Variants in UBR3 observed in about 807,000 individuals in gnomAD.
UBR3 encodes E3 ubiquitin-protein ligase UBR3.
In UBR3, 85 loss-of-function variants were observed where a neutral mutation model predicts 243.2. That is an observed-to-expected ratio of 0.35 (90% CI 0.29 to 0.42). The LOEUF is 0.42. Ranked by LOEUF, UBR3 falls within the 10% of genes least tolerant of loss-of-function variation. UBR3 has a pLI of 1.00. For missense variants in UBR3, 1,686 were observed against 2,300.8 expected (o/e 0.73, Z 5.47); for synonymous variants, 748 against 799.8 (o/e 0.94, Z 1.09).
chr2:169,942,738 G>GT, intron 20 of UBR3, 104 bp downstream of exon 20: 1 of 1,140,414 alleles, frequency 8.8e-7, no homozygotes, highest in Non-Finnish European at 1.2e-6. Flanking sequence ...AAAGCAAAGT[G>GT]TATTTATGCA....
chr2:170,044,280 G>GACTT (rs2091033143), intron 32 of UBR3, among the ~76,000 whole-genome samples: 1 of 152,132 alleles, frequency 6.6e-6, no homozygotes, highest in African/African-American at 2.4e-5. Context: ...TTACTGTTTA[G>GACTT]ACTTACTAGA....
intron 20 of UBR3, among the ~76,000 whole-genome samples, chr2:169,943,939 A>C (rs927548883): frequency 2.0e-5 from 3 of 152,010 alleles, no homozygotes; most frequent in Admixed American, 1.3e-4. Context: ...CCCGTGACCA[A>C]TTTTTCAGTG....
intron 13 of UBR3, among the ~76,000 whole-genome samples, chr2:169,924,995 C>T (rs2085855281): frequency 6.6e-6 from 1 of 152,100 alleles, no homozygotes; most frequent in Admixed American, 6.5e-5. Context: ...GATCGCGCCA[C>T]TGCACTCCAG....
At chr2:169,963,908 C>G (rs1356773468) in intron 24 of UBR3, among the ~76,000 whole-genome samples, 1 of 152,098 alleles carries the variant, frequency 6.6e-6, no homozygotes, top group Non-Finnish European at 1.5e-5. Flanking sequence ...TATTTGTTCT[C>G]TTGCTTTCTC....
At chr2:170,014,083 C>T (rs533295135) in intron 29 of UBR3, 15 of 331,462 alleles carry the variant, frequency 4.5e-5, no homozygotes, top group South Asian at 1.1e-4. Flanking sequence ...TGAGCTGGAA[C>T]GTTATCGGTG....
intron 30 of UBR3, among the ~76,000 whole-genome samples, chr2:170,020,025 C>T (rs963120108): frequency 1.7e-4 from 26 of 152,134 alleles, no homozygotes; most frequent in Admixed American, 7.9e-4. Context: ...AAGCAATCCT[C>T]CCACCTTGGC....
chr2:170,026,251 T>C (rs1259454438), intron 30 of UBR3, among the ~76,000 whole-genome samples: 1 of 152,034 alleles, frequency 6.6e-6, no homozygotes. Context: ...AATATGTGTT[T>C]GTAGAGTGAT....
chr2:169,928,340 C>T (rs954400543), intron 17 of UBR3, among the ~76,000 whole-genome samples: 1 of 152,000 alleles, frequency 6.6e-6, no homozygotes. Context: ...AATCTTTGCT[C>T]ATAAAAATCT....
chr2:169,855,402 G>A (rs1454504246), intron 1 of UBR3, among the ~76,000 whole-genome samples: 2 of 151,646 alleles, frequency 1.3e-5, no homozygotes, highest in Admixed American at 1.3e-4. Flanking sequence ...TCGGAGAGGG[G>A]GATTTGGCAG....
chr2:170,018,582 C>T (rs532660152), intron 30 of UBR3, among the ~76,000 whole-genome samples: 1 of 152,120 alleles, frequency 6.6e-6, no homozygotes, highest in Non-Finnish European at 1.5e-5. Flanking sequence ...CCAAAAACTT[C>T]GCTGATTCCA....
intron 1 of UBR3, among the ~76,000 whole-genome samples, chr2:169,868,223 A>C (rs956051929): frequency 6.6e-6 from 1 of 152,224 alleles, no homozygotes; most frequent in Non-Finnish European, 1.5e-5. Flanking sequence ...TGCTCTTGGT[A>C]AACTCCCGCC....
intron 4 of UBR3, 34 bp downstream of exon 4, chr2:169,877,671 C>G: frequency 6.6e-7 from 1 of 1,515,840 alleles, no homozygotes; most frequent in Non-Finnish European, 8.8e-7. Flanking sequence ...ACAGTTGTAA[C>G]TTTTCTGTAT....
intron 25 of UBR3, among the ~76,000 whole-genome samples, chr2:169,991,057 G>A (rs1359912480): frequency 6.6e-6 from 1 of 152,046 alleles, no homozygotes; most frequent in Non-Finnish European, 1.5e-5. Context: ...AAGAGAGCTG[G>A]GGTGGTTATA....
At chr2:169,972,420 C>T (rs957814694) in intron 24 of UBR3, among the ~76,000 whole-genome samples, 2 of 151,976 alleles carry the variant, frequency 1.3e-5, no homozygotes, top group South Asian at 4.2e-4. Flanking sequence ...TTTATGAGGC[C>T]AGCATCATTC....
chr2:170,018,392 G>A (rs2090304470), intron 30 of UBR3, among the ~76,000 whole-genome samples: 1 of 152,104 alleles, frequency 6.6e-6, no homozygotes. Context: ...ATGTGCGTTA[G>A]TTCTCACATA....
intron 24 of UBR3, among the ~76,000 whole-genome samples, chr2:169,980,545 G>A (rs182193432): frequency 2.4e-4 from 37 of 151,514 alleles, no homozygotes; most frequent in Non-Finnish European, 4.0e-4. Context: ...TTATTTGTTC[G>A]TTCATTTATA....
At chr2:170,076,014 T>C (rs945372948) in intron 36 of UBR3, among the ~76,000 whole-genome samples, 2 of 151,854 alleles carry the variant, frequency 1.3e-5, no homozygotes, top group African/African-American at 4.8e-5. Context: ...ACCACAAATA[T>C]CTCTGCTCTG....
At chr2:170,073,877 G>C (rs1240744769) in intron 36 of UBR3, among the ~76,000 whole-genome samples, 1 of 152,094 alleles carries the variant, frequency 6.6e-6, no homozygotes, top group Non-Finnish European at 1.5e-5. Flanking sequence ...ATTAGACTTG[G>C]TAGATACAAA....
At chr2:170,071,052 A>G (rs902141966) in intron 35 of UBR3, among the ~76,000 whole-genome samples, 2 of 152,206 alleles carry the variant, frequency 1.3e-5, no homozygotes, top group Admixed American at 1.3e-4. Context: ...GAGAAGTACC[A>G]ATTAATATCA....
Sources: allele counts gnomAD v4.1 joint callset (sites outside exome capture counted in the v4.1 genomes callset), GRCh38; gene constraint gnomAD v4.1.1; transcripts MANE v1.5; gene names NCBI Gene and HGNC (gene_info 2026-07-23, HGNC 2026-07-21).